BMAL1: variants seen among roughly 807,000 people sequenced by gnomAD.
The protein encoded by BMAL1 is basic helix-loop-helix ARNT-like protein 1.
At chr11:13,296,614 C>T in the BMAL1 span, among the ~76,000 whole-genome samples, 5 of 152,164 alleles carry the variant, frequency 3.3e-5, 1 homozygote, top group Admixed American at 3.3e-4. Context: ...TTCTATATTT[C>T]CCTTGTGAAT....
chr11:13,315,801 G>A, the BMAL1 span, among the ~76,000 whole-genome samples: 5 of 152,288 alleles, frequency 3.3e-5, no homozygotes, highest in Middle Eastern at 3.4e-3. Context: ...GGAGTTGACC[G>A]AGAGCATGTG....
the BMAL1 span, among the ~76,000 whole-genome samples, chr11:13,315,358 T>C: frequency 6.6e-6 from 1 of 152,226 alleles, no homozygotes; most frequent in African/African-American, 2.4e-5. Context: ...ATAAGAAGGC[T>C]AGGTCTTGTC....
chr11:13,310,816 T>G, the BMAL1 span, among the ~76,000 whole-genome samples: 1 of 152,292 alleles, frequency 6.6e-6, no homozygotes, highest in African/African-American at 2.4e-5. Flanking sequence ...TTGAAGTTAT[T>G]TTGGATAAAG....
chr11:13,306,853 G>C, the BMAL1 span, among the ~76,000 whole-genome samples: 1 of 152,246 alleles, frequency 6.6e-6, no homozygotes, highest in Non-Finnish European at 1.5e-5. Context: ...TTGGCTCCTT[G>C]CCTTCTGTTC....
the BMAL1 span, among the ~76,000 whole-genome samples, chr11:13,302,717 G>C: frequency 2.6e-5 from 4 of 152,154 alleles, no homozygotes; most frequent in African/African-American, 9.7e-5. Flanking sequence ...CGTCATCTGG[G>C]TGGTGCTCGC....
the BMAL1 span, among the ~76,000 whole-genome samples, chr11:13,382,977 T>C: frequency 5.9e-5 from 9 of 152,200 alleles, no homozygotes; most frequent in African/African-American, 2.2e-4. Context: ...AAGAATGGAT[T>C]ATAAAATGGA....
the BMAL1 span, chr11:13,358,661 C>A: frequency 7.1e-7 from 1 of 1,410,198 alleles, no homozygotes; most frequent in Non-Finnish European, 9.3e-7. Context: ...CTAGAATGTT[C>A]CTATCCCTAA....
the BMAL1 span, among the ~76,000 whole-genome samples, chr11:13,340,621 T>A: frequency 6.6e-6 from 1 of 152,168 alleles, no homozygotes; most frequent in South Asian, 2.1e-4. Context: ...ACCTGTAGCC[T>A]TCCCTGCAGC....
At chr11:13,382,613 G>A in the BMAL1 span, among the ~76,000 whole-genome samples, 21 of 151,826 alleles carry the variant, frequency 1.4e-4, no homozygotes, top group African/African-American at 4.4e-4. Flanking sequence ...ATCTTCTTAG[G>A]GTGGTCTTCC....
the BMAL1 span, chr11:13,355,384 A>T: frequency 1.6e-6 from 2 of 1,259,366 alleles, no homozygotes; most frequent in Non-Finnish European, 2.3e-6. Context: ...CCATAGCAGT[A>T]ACTCCCCAGC....
chr11:13,317,439 A>G, the BMAL1 span, among the ~76,000 whole-genome samples: 1 of 152,228 alleles, frequency 6.6e-6, no homozygotes, highest in African/African-American at 2.4e-5. Flanking sequence ...TATGACCCAC[A>G]TTGGTGACCC....
the BMAL1 span, among the ~76,000 whole-genome samples, chr11:13,350,537 T>C: frequency 1.2e-4 from 18 of 152,302 alleles, no homozygotes; most frequent in East Asian, 3.5e-3. Context: ...AACAGTATAG[T>C]ACTGTGATGG....
chr11:13,279,017 C>A, the BMAL1 span, among the ~76,000 whole-genome samples: 1 of 152,114 alleles, frequency 6.6e-6, no homozygotes, highest in Non-Finnish European at 1.5e-5. Context: ...TGCTGGACAC[C>A]GGCGCCTGCT....
chr11:13,279,157 T>C, the BMAL1 span, among the ~76,000 whole-genome samples: 9 of 152,202 alleles, frequency 5.9e-5, no homozygotes, highest in Admixed American at 4.6e-4. Flanking sequence ...GCGCTTGCGG[T>C]CTCTTCCTTC....
the BMAL1 span, chr11:13,386,633 C>T: frequency 2.0e-5 from 32 of 1,614,066 alleles, no homozygotes; most frequent in East Asian, 1.1e-4. Flanking sequence ...TGATTGACAA[C>T]GACCAAGGAT....
chr11:13,345,434 GCTCAGAGATAACTTGT>G, the BMAL1 span, among the ~76,000 whole-genome samples: 1 of 152,236 alleles, frequency 6.6e-6, no homozygotes, highest in Non-Finnish European at 1.5e-5. Flanking sequence ...CTGCCAGGAA[GCTCAGAGATAACTTGT>G]TTGCTCAGTT....
chr11:13,352,307 C>T, the BMAL1 span, among the ~76,000 whole-genome samples: 7 of 152,064 alleles, frequency 4.6e-5, no homozygotes, highest in Non-Finnish European at 8.8e-5. Flanking sequence ...GATTGCTGGG[C>T]GGCATGCAGG....
the BMAL1 span, chr11:13,356,686 C>T: frequency 2.5e-6 from 4 of 1,603,082 alleles, no homozygotes; most frequent in South Asian, 2.2e-5. Context: ...TGATAAGAAG[C>T]TCTTCTGTAT....
chr11:13,376,863 C>T, the BMAL1 span: 27 of 740,728 alleles, frequency 3.6e-5, no homozygotes, highest in African/African-American at 2.8e-4. Context: ...GGATGATGTG[C>T]GGATTTCCCC....
Sources: gnomAD v4.1 joint callset for allele counts (sites outside exome capture counted in the v4.1 genomes callset) on GRCh38, gnomAD v4.1.1 for gene constraint, MANE v1.5 for transcripts, NCBI Gene and HGNC (gene_info 2026-07-23, HGNC 2026-07-21) for gene names.